Variants in GPR158 observed in about 807,000 individuals in gnomAD.
The protein encoded by GPR158 is metabotropic glycine receptor.
Under a neutral mutation model 78.2 loss-of-function variants are expected in GPR158, and 30 were observed. The observed-to-expected ratio is 0.38, with a 90% CI of 0.29 to 0.52. The LOEUF (loss-of-function observed/expected upper bound fraction) is 0.52, where lower values mean the gene tolerates loss of function less well. GPR158 is among the 20% of genes least tolerant of loss of function. The pLI is 0.83. For synonymous variants in GPR158, 581 were observed against 591.1 expected (o/e 0.98, Z 0.25); for missense variants, 1,463 against 1,523.5 (o/e 0.96, Z 0.66).
At chr10:25,440,964 A>G (rs1304016963) in intron 4 of GPR158, among the ~76,000 whole-genome samples, 1 of 152,188 alleles carries the variant, frequency 6.6e-6, no homozygotes, top group Admixed American at 6.5e-5. Context: ...TCTCATTTCT[A>G]AAATATTTGG....
intron 2 of GPR158, among the ~76,000 whole-genome samples, chr10:25,314,872 T>TAC (rs1438270109): frequency 1.6e-5 from 2 of 123,168 alleles, no homozygotes; most frequent in Non-Finnish European, 3.4e-5. Flanking sequence ...CATATATATA[T>TAC]ATATATATAT....
intron 2 of GPR158, among the ~76,000 whole-genome samples, chr10:25,366,703 T>C (rs1403187863): frequency 6.6e-6 from 1 of 151,680 alleles, no homozygotes. Flanking sequence ...TTGTATTCTT[T>C]GACCAGAATC....
chr10:25,549,612 C>T (rs563471801), intron 5 of GPR158, among the ~76,000 whole-genome samples: 15 of 152,208 alleles, frequency 9.9e-5, no homozygotes, highest in Middle Eastern at 3.4e-3. Context: ...TTTTGCTTGA[C>T]TTCAGGAGCA....
chr10:25,251,294 G>C (rs1356905891), intron 2 of GPR158, among the ~76,000 whole-genome samples: 5 of 151,910 alleles, frequency 3.3e-5, no homozygotes, highest in East Asian at 1.9e-4. Context: ...CTTTTAATTG[G>C]AGAATTTAGT....
chr10:25,477,843 T>G (rs1202375831), intron 5 of GPR158, among the ~76,000 whole-genome samples: 1 of 152,168 alleles, frequency 6.6e-6, no homozygotes, highest in Non-Finnish European at 1.5e-5. Flanking sequence ...CTGGCTCATA[T>G]AGAGAGCAAA....
chr10:25,506,314 T>C (rs946320750), intron 5 of GPR158, among the ~76,000 whole-genome samples: 15 of 152,198 alleles, frequency 9.9e-5, no homozygotes, highest in African/African-American at 2.9e-4. Context: ...CTCATAAAGT[T>C]ATAGTCATGA....
At chr10:25,178,341 A>G (rs900954794) in intron 1 of GPR158, among the ~76,000 whole-genome samples, 8 of 152,154 alleles carry the variant, frequency 5.3e-5, no homozygotes, top group African/African-American at 1.9e-4. Context: ...GCTATAAACA[A>G]TGTAGGTACT....
At chr10:25,257,703 C>A (rs917515651) in intron 2 of GPR158, among the ~76,000 whole-genome samples, 36 of 152,258 alleles carry the variant, frequency 2.4e-4, no homozygotes, top group Middle Eastern at 3.4e-3. Context: ...AAATATAAGT[C>A]ACTTTGTATT....
Position 25,572,668 on chromosome 10 carries a change from T to C in GPR158, c.1534T>C (p.Ser512Pro). 3 of 1,613,158 alleles carry C rather than the reference T, an allele frequency of 1.9e-6. No individual in the cohort carries two copies. The highest frequency in any genetic ancestry group is 2.5e-6 in the Non-Finnish European group (3 of 1,179,082). ...TTCTAGGGTTTTGAAGGTGTTTCTT[T>C]CACGAACGGCTCAACGAATTCCATA... ...KLHRVLKVFL[S>P]RTAQRIPYMT... Residue 512 changes from serine to proline, a missense_variant, in exon 7 of 11, where the codon TCA becomes CCA. Ser to Pro is a moderately conservative substitution (Grantham distance 74, BLOSUM62 -1). Transcript: ENST00000376351.
chr10:25,564,211 G>C (rs1836898594), intron 6 of GPR158, among the ~76,000 whole-genome samples: 1 of 152,048 alleles, frequency 6.6e-6, no homozygotes, highest in South Asian at 2.1e-4. Flanking sequence ...TTGTGTGTTG[G>C]GTATGTCATC....
intron 2 of GPR158, among the ~76,000 whole-genome samples, chr10:25,302,224 A>G (rs59132240): frequency 0.2 from 30,164 of 147,632 alleles, 5,160 homozygotes; most frequent in African/African-American, 0.47. Context: ...GGTGCCTGCC[A>G]CCATGCCTGG....
chr10:25,346,278 T>A (rs1855370377), intron 2 of GPR158, among the ~76,000 whole-genome samples: 1 of 151,908 alleles, frequency 6.6e-6, no homozygotes, highest in Non-Finnish European at 1.5e-5. Flanking sequence ...AACTGGGTAG[T>A]ACTTCATTCA....
intron 8 of GPR158, 46 bp from the exon 9 acceptor site, chr10:25,594,246 T>C (rs1837373833): frequency 3.2e-6 from 3 of 945,996 alleles, no homozygotes; most frequent in Non-Finnish European, 5.2e-6. Flanking sequence ...GTGTTCTAAG[T>C]AGAATCTTAA....
intron 2 of GPR158, among the ~76,000 whole-genome samples, chr10:25,319,822 A>ACCCCCCC (rs11379091): frequency 1.5e-5 from 2 of 134,086 alleles, no homozygotes; most frequent in Non-Finnish European, 3.2e-5. Context: ...TGAACACCCC[A>ACCCCCCC]CCCCCCCCAA....
chr10:25,418,180 C>T (rs1773680), intron 4 of GPR158, among the ~76,000 whole-genome samples: 105,548 of 151,984 alleles, frequency 0.69, 37,729 homozygotes, highest in Non-Finnish European at 0.8. Flanking sequence ...AGTATAGATA[C>T]GTATGTCTTT....
At chr10:25,391,921 G>T (rs1349103536) in intron 2 of GPR158, among the ~76,000 whole-genome samples, 1 of 152,034 alleles carries the variant, frequency 6.6e-6, no homozygotes, top group Non-Finnish European at 1.5e-5. Flanking sequence ...TTGAATCATG[G>T]GGGTGAGTTT....
chr10:25,256,047 T>C (rs1159828704), intron 2 of GPR158, among the ~76,000 whole-genome samples: 1 of 152,164 alleles, frequency 6.6e-6, no homozygotes, highest in Non-Finnish European at 1.5e-5. Flanking sequence ...AAGTGTTGAG[T>C]TACAGGTGTA....
intron 1 of GPR158, among the ~76,000 whole-genome samples, chr10:25,210,977 C>CA (rs1265094517): frequency 9.9e-5 from 15 of 151,854 alleles, no homozygotes; most frequent in African/African-American, 2.9e-4. Context: ...ACTAAAAATA[C>CA]AAAAAATAGC....
chr10:25,407,134 C>T lies in GPR158; in HGVS notation c.1112-5116C>T, dbSNP rs144935092. Reference sequence around the variant, plus strand: ...GTCTCCCAAATCAGATATCTATGTCCAAGTTCTTATCTTAAGTTCTGCTTC... The same window carrying T: ...GTCTCCCAAATCAGATATCTATGTCTAAGTTCTTATCTTAAGTTCTGCTTC... On this transcript the variant is annotated intron_variant, in intron 3 of 10. Coordinates refer to ENST00000376351, the MANE Select transcript of GPR158 (RefSeq NM_020752.3). Among the ~76,000 whole-genome samples the T allele has an allele frequency of 5.2e-3, 792 of 152,200 alleles. 11 individuals are homozygous for T. Among genetic ancestry groups the T allele is most frequent in the African/African-American group, 0.018 (765 of 41,540 alleles).
Sources: gnomAD v4.1 joint callset for allele counts (sites outside exome capture counted in the v4.1 genomes callset) on GRCh38, gnomAD v4.1.1 for gene constraint, MANE v1.5 for transcripts, NCBI Gene and HGNC (gene_info 2026-07-23, HGNC 2026-07-21) for gene names.